NIPBL: variants seen among roughly 807,000 people sequenced by gnomAD.
NIPBL encodes nipped-B-like protein.
A neutral mutation model predicts 321.8 loss-of-function variants in NIPBL; 19 were observed. The ratio of observed to expected loss-of-function variants is 0.06; its 90% CI spans 0.04 to 0.09. The LOEUF is 0.09. Ranked by LOEUF, NIPBL falls within the 10% of genes least tolerant of loss-of-function variation. NIPBL has a pLI of 1.00. For missense variants in NIPBL, 2,210 were observed against 3,327.0 expected (o/e 0.66, Z 8.26); for synonymous variants, 1,106 against 1,114.1 (o/e 0.99, Z 0.14).
At chr5:36,968,523 C>T (rs1209950443) in intron 6 of NIPBL, among the ~76,000 whole-genome samples, 2 of 151,674 alleles carry the variant, frequency 1.3e-5, no homozygotes. Flanking sequence ...GAGCCGAGAT[C>T]GCCTGGGCAA....
chr5:36,936,921 T>C (rs950483183), intron 1 of NIPBL, among the ~76,000 whole-genome samples: 4 of 152,178 alleles, frequency 2.6e-5, no homozygotes, highest in Non-Finnish European at 5.9e-5. Flanking sequence ...CTTCTGTACC[T>C]CATAATATAG....
chr5:36,966,581 T>G (rs546676637), intron 6 of NIPBL, among the ~76,000 whole-genome samples: 5 of 152,112 alleles, frequency 3.3e-5, no homozygotes, highest in Non-Finnish European at 7.4e-5. Context: ...GATGATACTT[T>G]GAGATCATGT....
intron 1 of NIPBL, among the ~76,000 whole-genome samples, chr5:36,917,958 G>C (rs964813283): frequency 5.3e-5 from 8 of 152,176 alleles, no homozygotes; most frequent in Non-Finnish European, 7.4e-5. Context: ...CAGGTAGCAT[G>C]ATGCCTCCAG....
At position 37,049,110 on chromosome 5, in the gene NIPBL, G is replaced by T; in HGVS notation, c.6764-1G>T. ...TGTTTATCCTTTGCTTGCTTTTGTAGGGAAGAAAGTTGCAAAACAGGAAGA... is the reference window on the plus strand; with the variant it reads ...TGTTTATCCTTTGCTTGCTTTTGTATGGAAGAAAGTTGCAAAACAGGAAGA... On this transcript the variant is annotated splice_acceptor_variant, in intron 39 of 46. Transcript: ENST00000282516. LOFTEE classifies it high-confidence loss of function. 1.2e-6 allele frequency: 2 copies of T among 1,613,938 alleles called. No homozygotes were observed. The highest frequency in any genetic ancestry group is 2.2e-5 in the South Asian group (2 of 91,026).
Position 36,981,384 on chromosome 5 carries a change from T to C in NIPBL, c.1496-3292T>C, listed in dbSNP as rs545284396. Among the ~76,000 whole-genome samples the C allele has an allele frequency of 7.2e-5, 11 of 151,806 alleles. No homozygotes were observed. In the South Asian group the frequency reaches 8.3e-4, roughly 11 times the overall value. ...GTTTTACCTAGGCTGTGGTAGACCC[T>C]ATTGTACCCTTGTTCCGCAGAAGAA... On this transcript the variant is annotated intron_variant, in intron 9 of 46. Transcript: ENST00000282516.
rs968905864 is a variant in NIPBL at position 36,973,398 on chromosome 5, G to A, written c.868+1357G>A. Among the ~76,000 whole-genome samples, 67 of 151,152 alleles carry A rather than the reference G, an allele frequency of 4.4e-4. 1 individual carries two copies. Among genetic ancestry groups the A allele is most frequent in the Admixed American group, 4.1e-3 (62 of 15,156 alleles). The stretch of plus-strand genomic sequence containing the variant: ...GTTCTGGGATACATGTGCAGAATGT[G>A]CAGGTTTGTTACATAGGTATACATG... On this transcript the variant is annotated intron_variant, in intron 8 of 46. Coordinates refer to ENST00000282516, the MANE Select transcript of NIPBL (RefSeq NM_133433.4).
intron 16 of NIPBL, among the ~76,000 whole-genome samples, chr5:37,003,834 C>CT (rs1747105721): frequency 6.6e-6 from 1 of 152,122 alleles, no homozygotes; most frequent in Non-Finnish European, 1.5e-5. Flanking sequence ...ACAGCTTTGC[C>CT]ATAAAGTAAG....
chr5:36,929,392 C>T (rs1461097748), intron 1 of NIPBL, among the ~76,000 whole-genome samples: 1 of 151,884 alleles, frequency 6.6e-6, no homozygotes, highest in Non-Finnish European at 1.5e-5. Context: ...AAGTTCTTTG[C>T]CCATTTTCAA....
chr5:36,974,365 A>T (rs1743209747), intron 8 of NIPBL, among the ~76,000 whole-genome samples: 1 of 152,196 alleles, frequency 6.6e-6, no homozygotes, highest in Non-Finnish European at 1.5e-5. Flanking sequence ...TAGATTAATT[A>T]TTAGAATTTG....
intron 34 of NIPBL, among the ~76,000 whole-genome samples, chr5:37,042,671 G>A (rs1056817295): frequency 1.3e-5 from 2 of 151,356 alleles, no homozygotes; most frequent in African/African-American, 2.4e-5. Context: ...GCTAGTTGTC[G>A]ATCCATATTC....
At chr5:37,018,343 A>G (rs959616978) in intron 24 of NIPBL, among the ~76,000 whole-genome samples, 1 of 152,224 alleles carries the variant, frequency 6.6e-6, no homozygotes, top group African/African-American at 2.4e-5. Context: ...ACTCTGGTAA[A>G]TTATAATTTG....
At chr5:36,967,210 T>G (rs1444792333) in intron 6 of NIPBL, among the ~76,000 whole-genome samples, 1 of 152,126 alleles carries the variant, frequency 6.6e-6, no homozygotes, top group Non-Finnish European at 1.5e-5. Flanking sequence ...TGTGGTCACC[T>G]TAGCTCATAG....
At chr5:37,055,668 G>A (rs1364211137) in intron 42 of NIPBL, among the ~76,000 whole-genome samples, 2 of 152,104 alleles carry the variant, frequency 1.3e-5, no homozygotes, top group South Asian at 2.1e-4. Flanking sequence ...GAGTAGAATG[G>A]TGAACTTCGT....
Position 36,883,950 on chromosome 5 carries a change from A to C in NIPBL, c.-80+6772A>C, listed in dbSNP as rs141042201. Among the ~76,000 whole-genome samples, 1,235 of 152,016 alleles carry C rather than the reference A, an allele frequency of 8.1e-3. 13 individuals are homozygous for C. The highest frequency in any genetic ancestry group is 0.028 in the African/African-American group (1,173 of 41,492). On this transcript the variant is annotated intron_variant, in intron 1 of 46. Transcript: ENST00000282516. ...GATGCACATGAAAAAATTTCTTCCT[A>C]GGGTTCTGCGTATACCTCAGAAAGC... is the stretch of plus-strand genomic sequence containing the variant.
chr5:36,980,281 A>G (rs1316371807), intron 9 of NIPBL, among the ~76,000 whole-genome samples: 1 of 151,714 alleles, frequency 6.6e-6, no homozygotes, highest in East Asian at 1.9e-4. Flanking sequence ...GAAAAGTTGA[A>G]TGAGCAGAGT....
At chr5:36,912,777 G>C (rs569646854) in intron 1 of NIPBL, among the ~76,000 whole-genome samples, 2 of 152,238 alleles carry the variant, frequency 1.3e-5, no homozygotes, top group Admixed American at 6.5e-5. Flanking sequence ...TGGGATTACA[G>C]ATGTGAGCCA....
intron 1 of NIPBL, among the ~76,000 whole-genome samples, chr5:36,945,265 C>T (rs1739539194): frequency 6.6e-6 from 1 of 152,052 alleles, no homozygotes; most frequent in Non-Finnish European, 1.5e-5. Context: ...TTAAACTTTG[C>T]ATAACTAACT....
chr5:37,033,728 ATATT>A (rs1227744431), intron 32 of NIPBL, among the ~76,000 whole-genome samples: 3 of 48,388 alleles, frequency 6.2e-5, no homozygotes, highest in South Asian at 7.5e-4. Context: ...ATATATATAT[ATATT>A]TTTTTTTTTT....
rs1366850491 is a variant in NIPBL at position 37,064,724 on chromosome 5, T to G, written c.8247T>G (p.Thr2749=). ...CAGGCTCCTACAGTGGCTCCTGGAC[T>G]GAGGCTAAGCGCCGTGATGGCCGCA... The part of the protein sequence containing the change: ...WMAGSYSGSW[T]EAKRRDGRKL... The change falls in exon 47 of 47, where the codon ACT becomes ACG. Residue 2749 remains threonine, a synonymous_variant. Coordinates refer to ENST00000282516, the MANE Select transcript of NIPBL (RefSeq NM_133433.4). 2 of 1,614,198 alleles carry G rather than the reference T, an allele frequency of 1.2e-6. No individual in the cohort carries two copies. The highest frequency in any genetic ancestry group is 1.7e-5 in the Admixed American group (1 of 60,022).
Sources: gnomAD v4.1 joint callset for allele counts (sites outside exome capture counted in the v4.1 genomes callset) on GRCh38, gnomAD v4.1.1 for gene constraint, MANE v1.5 for transcripts, NCBI Gene and HGNC (gene_info 2026-07-23, HGNC 2026-07-21) for gene names.